The following SNTG2 variants were observed in gnomAD, a reference collection of about 807,000 sequenced individuals.
SNTG2 encodes gamma-2-syntrophin.
Under a neutral mutation model 70.9 loss-of-function variants are expected in SNTG2, and 74 were observed. The observed-to-expected ratio is 1.04, with a 90% CI of 0.86 to 1.27. The LOEUF (loss-of-function observed/expected upper bound fraction) is 1.27. SNTG2 is among the 50% of genes most tolerant of loss of function. The pLI is 0.00. For synonymous variants in SNTG2, 278 were observed against 273.8 expected, an observed-to-expected ratio of 1.02 and a Z score of -0.15; for missense variants, 717 against 690.7, an observed-to-expected ratio of 1.04 and a Z score of -0.43.
intron 4 of SNTG2, among the ~76,000 whole-genome samples, chr2:1,135,879 G>T (rs566732657): frequency 6.6e-6 from 1 of 152,280 alleles, no homozygotes; most frequent in South Asian, 2.1e-4. Flanking sequence ...AGACCATGGG[G>T]TAAAATACTT....
At chr2:1,061,210 A>G (rs1192512237) in intron 1 of SNTG2, among the ~76,000 whole-genome samples, 1 of 152,080 alleles carries the variant, frequency 6.6e-6, no homozygotes, top group Admixed American at 6.6e-5. Context: ...CAAAAGGTGA[A>G]CAGGTTAAAG....
At chr2:1,063,813 G>A (rs1196482674) in intron 1 of SNTG2, among the ~76,000 whole-genome samples, 5 of 152,154 alleles carry the variant, frequency 3.3e-5, no homozygotes, top group Non-Finnish European at 7.3e-5. Flanking sequence ...CACATTTATG[G>A]ATAATAGCAG....
chr2:1,139,884 G>A (rs1668637622), intron 6 of SNTG2, among the ~76,000 whole-genome samples: 1 of 150,890 alleles, frequency 6.6e-6, no homozygotes, highest in Admixed American at 6.6e-5. Context: ...CTTATAAATG[G>A]AGCTATTACA....
At position 1,189,848 on chromosome 2, in the gene SNTG2, G is replaced by T. The variant is rs529886353; in HGVS notation, c.591+16665G>T. ...AGGCGTGAGCCACCGTGCCCGGCCG[G>T]GACTCTATCTTATATGGAATACTTC... On this transcript the variant is annotated intron_variant, in intron 8 of 16. Transcript: ENST00000308624. 4.9e-4 allele frequency among the ~76,000 whole-genome samples: 74 copies of T among 152,102 alleles called. 1 individual carries two copies. The highest frequency in any genetic ancestry group is 1.7e-3 in the African/African-American group (72 of 41,504).
intron 12 of SNTG2, among the ~76,000 whole-genome samples, chr2:1,253,118 TC>T (rs1407513408): frequency 1.3e-5 from 2 of 152,128 alleles, no homozygotes; most frequent in African/African-American, 4.8e-5. Flanking sequence ...CAATGCTGGT[TC>T]CCCATCCCTG....
At chr2:1,122,299 A>G (rs1009547155) in intron 4 of SNTG2, among the ~76,000 whole-genome samples, 2 of 152,230 alleles carry the variant, frequency 1.3e-5, no homozygotes, top group African/African-American at 2.4e-5. Context: ...CAAAGATGTC[A>G]CTAACAATGA....
chr2:1,362,152 CCCT>C (rs1558232876), intron 16 of SNTG2, among the ~76,000 whole-genome samples: 19 of 146,822 alleles, frequency 1.3e-4, no homozygotes, highest in South Asian at 4.4e-4. Flanking sequence ...AGGTCACCGA[CCCT>C]GAGCATTTCA....
At position 1,366,011 on chromosome 2, in the gene SNTG2, G is replaced by A. The variant is rs559198239; in HGVS notation, c.1489-1332G>A. ...GAAAATGACCAAGATCCTGCCTTTC[G>A]AGAGCTTAAAGGAGCATGTCTGTGG... On this transcript the variant is annotated intron_variant, in intron 16 of 16. Transcript: ENST00000308624. Among the ~76,000 whole-genome samples, 7 of 151,326 alleles carry A rather than the reference G, an allele frequency of 4.6e-5. No individual in the cohort carries two copies. In the South Asian group the frequency reaches 8.4e-4, roughly 18 times the overall value.
chr2:1,252,626 G>T (rs567131296), intron 12 of SNTG2, among the ~76,000 whole-genome samples: 34 of 152,306 alleles, frequency 2.2e-4, no homozygotes, highest in African/African-American at 7.9e-4. Flanking sequence ...GGTTACAGGT[G>T]GAATAATCTA....
chr2:1,041,739 C>T (rs1490745326), intron 1 of SNTG2, among the ~76,000 whole-genome samples: 1 of 152,206 alleles, frequency 6.6e-6, no homozygotes, highest in East Asian at 1.9e-4. Flanking sequence ...GCCATGCGTC[C>T]TACACAGCCT....
intron 8 of SNTG2, among the ~76,000 whole-genome samples, chr2:1,204,401 CTTAT>C (rs1255412645): frequency 6.6e-6 from 1 of 152,228 alleles, no homozygotes; most frequent in Non-Finnish European, 1.5e-5. Context: ...CTTCAAACCT[CTTAT>C]TTAAACACAA....
intron 6 of SNTG2, among the ~76,000 whole-genome samples, chr2:1,138,188 G>A (rs554105620): frequency 1.3e-5 from 2 of 152,334 alleles, no homozygotes; most frequent in Admixed American, 6.5e-5. Flanking sequence ...CCGCCCGGGC[G>A]CTGGAGCCTG....
At chr2:1,350,300 G>A (rs1660508872) in intron 16 of SNTG2, among the ~76,000 whole-genome samples, 1 of 152,182 alleles carries the variant, frequency 6.6e-6, no homozygotes, top group South Asian at 2.1e-4. Flanking sequence ...GTTCCTGCTG[G>A]GCTTTGGTCG....
chr2:1,247,294 A>G (rs1677485248), intron 11 of SNTG2, 33 bp from the exon 12 acceptor site: 1 of 1,392,220 alleles, frequency 7.2e-7, no homozygotes, highest in South Asian at 1.2e-5. Context: ...TGCCCTCATT[A>G]AGGCTTGGTT....
intron 1 of SNTG2, among the ~76,000 whole-genome samples, chr2:1,010,024 C>T (rs1659684851): frequency 6.6e-6 from 1 of 152,072 alleles, no homozygotes; most frequent in Admixed American, 6.6e-5. Context: ...TACATTTGTA[C>T]TAACAGGTGA....
At chr2:1,247,233 C>G in intron 11 of SNTG2, 94 bp from the exon 12 acceptor site, 1 of 739,282 alleles carries the variant, frequency 1.4e-6, no homozygotes. Context: ...GTGTGTTGAC[C>G]TGATGGGATC....
intron 1 of SNTG2, among the ~76,000 whole-genome samples, chr2:1,029,918 C>T (rs1455145074): frequency 6.6e-6 from 1 of 152,188 alleles, no homozygotes; most frequent in African/African-American, 2.4e-5. Flanking sequence ...CATCATCTTA[C>T]CTTTCACATC....
chr2:1,171,828 T>C (rs1261741590), intron 7 of SNTG2, among the ~76,000 whole-genome samples: 1 of 152,128 alleles, frequency 6.6e-6, no homozygotes, highest in Non-Finnish European at 1.5e-5. Context: ...CAGCGAGCCA[T>C]GGTAACTCGC....
chr2:1,269,247 T>C (rs1678900308), intron 14 of SNTG2, among the ~76,000 whole-genome samples: 1 of 152,164 alleles, frequency 6.6e-6, no homozygotes, highest in Admixed American at 6.5e-5. Flanking sequence ...TTCATGCCTG[T>C]AATCCTAGCC....
Sources: allele counts gnomAD v4.1 joint callset (sites outside exome capture counted in the v4.1 genomes callset), GRCh38; gene constraint gnomAD v4.1.1; transcripts MANE v1.5; gene names NCBI Gene and HGNC (gene_info 2026-07-23, HGNC 2026-07-21).